Variants in C8B observed in about 807,000 individuals in gnomAD.
C8B encodes the protein complement component C8 beta chain.
In C8B, 67 loss-of-function variants were observed where a neutral mutation model predicts 64.6. The ratio of observed to expected loss-of-function variants is 1.04; its 90% CI spans 0.85 to 1.27. C8B has a LOEUF of 1.27. C8B is among the 50% of genes most tolerant of loss of function. C8B has a pLI of 0.00. For missense variants in C8B, 790 were observed against 725.2 expected (o/e 1.09, Z -1.03); for synonymous variants, 284 against 257.7 (o/e 1.10, Z -0.98).
At chr1:56,953,351 T>C (rs1381759098) in intron 4 of C8B, among the ~76,000 whole-genome samples, 1 of 152,248 alleles carries the variant, frequency 6.6e-6, no homozygotes, top group Non-Finnish European at 1.5e-5. Flanking sequence ...TTATTTTCTT[T>C]AACAAATATA....
intron 1 of C8B, among the ~76,000 whole-genome samples, chr1:56,962,027 C>A (rs1438044057): frequency 1.3e-5 from 2 of 152,154 alleles, no homozygotes; most frequent in Non-Finnish European, 2.9e-5. Flanking sequence ...GCAGGGTACC[C>A]TCTTCCTATT....
chr1:56,936,980 C>T lies in C8B; in HGVS notation c.1399-3492G>A, dbSNP rs945170494. Among the ~76,000 whole-genome samples the T allele has an allele frequency of 2.0e-5, 3 of 152,136 alleles. No homozygotes were observed. In the East Asian group the frequency reaches 5.8e-4, roughly 29 times the overall value. On this transcript the variant is annotated intron_variant, in intron 9 of 11. Transcript: ENST00000371237. ...CATTGTCTTTCCAGGCATATGCTGC[C>T]ACAGCATTTATATTTTAAGCACTCC...
intron 8 of C8B, among the ~76,000 whole-genome samples, chr1:56,942,871 G>A (rs1263027331): frequency 6.6e-6 from 1 of 151,414 alleles, no homozygotes; most frequent in Non-Finnish European, 1.5e-5. Flanking sequence ...AAGAGTTTGA[G>A]ACCAGCTGGG....
rs181374539 is a variant in C8B, at chr1:56,954,839, A to T, written c.392-12T>A. The T allele has an allele frequency of 1.2e-6, 2 of 1,614,118 alleles. No individual in the cohort carries two copies. The highest frequency in any genetic ancestry group is 2.2e-5 in the South Asian group (2 of 91,090). On this transcript the variant is annotated splice_polypyrimidine_tract_variant and intron_variant, in intron 3 of 11. Coordinates refer to ENST00000371237, the MANE Select transcript of C8B (RefSeq NM_000066.4). ...GTTTACACACCTTCCTAGAATGGAG[A>T]AAGAGTATTACCCACAGCCACATGG...
intron 5 of C8B, 87 bp downstream of exon 5, chr1:56,951,961 G>GGATGTGT: frequency 1.4e-6 from 2 of 1,402,864 alleles, no homozygotes; most frequent in South Asian, 1.2e-5. Flanking sequence ...AGAGAAAAGG[G>GGATGTGT]CTAGCAGGCT....
At chr1:56,944,451 T>G (rs1416172462) in intron 7 of C8B, among the ~76,000 whole-genome samples, 1 of 152,138 alleles carries the variant, frequency 6.6e-6, no homozygotes, top group Non-Finnish European at 1.5e-5. Flanking sequence ...AAGAGCAACT[T>G]TGACCACCAG....
intron 11 of C8B, among the ~76,000 whole-genome samples, chr1:56,930,173 T>C (rs574514856): frequency 6.6e-6 from 1 of 152,210 alleles, no homozygotes; most frequent in Non-Finnish European, 1.5e-5. Context: ...TGGATAGTTA[T>C]CTTCTTCTCA....
At chr1:56,963,418 G>GT (rs1315298427) in intron 1 of C8B, among the ~76,000 whole-genome samples, 1 of 152,166 alleles carries the variant, frequency 6.6e-6, no homozygotes, top group African/African-American at 2.4e-5. Context: ...TTCTTTGCTA[G>GT]AAGGGGCAGC....
At chr1:56,933,527 A>G in intron 9 of C8B, 39 bp from the exon 10 acceptor site, 2 of 1,581,674 alleles carry the variant, frequency 1.3e-6, no homozygotes, top group East Asian at 2.2e-5. Flanking sequence ...AGAGAAAAAC[A>G]TTTATCAAGT....
chr1:56,933,979 A>G (rs765660657), intron 9 of C8B, among the ~76,000 whole-genome samples: 2 of 152,126 alleles, frequency 1.3e-5, no homozygotes, highest in Non-Finnish European at 2.9e-5. Context: ...CTCCAAACCT[A>G]TCAAAATCAT....
At chr1:56,951,738 G>T (rs1645023403) in intron 5 of C8B, among the ~76,000 whole-genome samples, 1 of 152,094 alleles carries the variant, frequency 6.6e-6, no homozygotes, top group South Asian at 2.1e-4. Context: ...ATAGCCTTTG[G>T]ATTATATGGA....
At chr1:56,938,358 G>A (rs1472615196) in intron 9 of C8B, among the ~76,000 whole-genome samples, 1 of 152,172 alleles carries the variant, frequency 6.6e-6, no homozygotes, top group Admixed American at 6.5e-5. Flanking sequence ...GTTATTGTAT[G>A]TTTGGCTTCC....
At chr1:56,952,898 G>A (rs1345863724) in intron 4 of C8B, among the ~76,000 whole-genome samples, 1 of 152,192 alleles carries the variant, frequency 6.6e-6, no homozygotes, top group African/African-American at 2.4e-5. Flanking sequence ...CGATAAATGT[G>A]CTATTTATGT....
intron 10 of C8B, among the ~76,000 whole-genome samples, chr1:56,932,414 T>C (rs1644714739): frequency 6.6e-6 from 1 of 152,146 alleles, no homozygotes; most frequent in Non-Finnish European, 1.5e-5. Flanking sequence ...CCTGCAAGCA[T>C]CCCAGTCTCT....
chr1:56,939,721 T>A (rs779511704), intron 9 of C8B, among the ~76,000 whole-genome samples: 1 of 152,218 alleles, frequency 6.6e-6, no homozygotes, highest in Non-Finnish European at 1.5e-5. Context: ...AGGATCATTA[T>A]GTTTTATTCA....
chr1:56,946,142 T>C, intron 6 of C8B, 81 bp from the exon 7 acceptor site: 1 of 1,540,148 alleles, frequency 6.5e-7, no homozygotes, highest in Non-Finnish European at 8.9e-7. Context: ...ACAAATACCA[T>C]CCGATGTTCT....
Position 56,936,514 on chromosome 1 carries a change from ATTT to A in C8B, c.1399-3029_1399-3027del, listed in dbSNP as rs11310458. Among the ~76,000 whole-genome samples, 729 of 102,112 alleles carry A rather than the reference ATTT, an allele frequency of 7.1e-3. 10 individuals carry two copies. Among genetic ancestry groups the A allele is most frequent in the African/African-American group, 0.022 (673 of 30,594 alleles). The allele number at this position is 102,112 out of a possible 152,430, so 67.0% of individuals were successfully genotyped here. A position where few individuals can be genotyped will look rare whatever the true frequency, so the allele number is the denominator to read the frequency against. On this transcript the variant is annotated intron_variant, in intron 9 of 11. Coordinates refer to ENST00000371237, the MANE Select transcript of C8B (RefSeq NM_000066.4). Reference sequence around the variant, plus strand: ...ATATTAAGGATCTCATTTGTGGTAAATTTTTTTTTTTTTTTTTTTGGTGTGTTA... The same window carrying A: ...ATATTAAGGATCTCATTTGTGGTAAATTTTTTTTTTTTTTTTGGTGTGTTA...
chr1:56,930,921 T>A (rs1321460413), intron 11 of C8B, among the ~76,000 whole-genome samples: 1 of 152,216 alleles, frequency 6.6e-6, no homozygotes, highest in East Asian at 1.9e-4. Context: ...GTTGTTAATA[T>A]GATCATATTC....
Position 56,940,895 on chromosome 1 carries a change from T to G in C8B, c.1352A>C (p.Glu451Ala), listed in dbSNP as rs1194728650. 6.2e-7 allele frequency: 1 copy of G among 1,614,056 alleles called. No homozygotes were observed. Among genetic ancestry groups the G allele is most frequent in the South Asian group, 1.1e-5 (1 of 91,072 alleles). The change falls in exon 9 of 12, where the codon GAG becomes GCG. Residue 451 changes from glutamate (E) to alanine (A), a missense_variant. Physicochemically the swap from Glu to Ala is moderately radical, Grantham distance 107 (BLOSUM62 -1). Transcript: ENST00000371237. ...GTTGTACTGCACAGCGTCTCCCCAC[T>G]CCTGCATCAGGTCCGCCGTCGGCAG... ...QELPTADLMQEWGDAVQYNPA... is the reference protein window; with the variant it reads ...QELPTADLMQAWGDAVQYNPA...
Sources: allele counts gnomAD v4.1 joint callset (sites outside exome capture counted in the v4.1 genomes callset), GRCh38; gene constraint gnomAD v4.1.1; transcripts MANE v1.5; gene names NCBI Gene and HGNC (gene_info 2026-07-23, HGNC 2026-07-21).